The following DAAM2 variants were observed in gnomAD, a reference collection of about 807,000 sequenced individuals.
DAAM2 encodes the protein dishevelled associated activator of morphogenesis 2.
Under a neutral mutation model 120.7 loss-of-function variants are expected in DAAM2, and 39 were observed. The ratio of observed to expected loss-of-function variants is 0.32; its 90% confidence interval spans 0.25 to 0.42. The LOEUF (loss-of-function observed/expected upper bound fraction) is 0.42. Among genes scored for constraint, DAAM2 ranks in the 10% least tolerant of loss-of-function variants. The probability of loss-of-function intolerance (pLI) is 1.00; values close to 1 mark genes in which losing one functional copy is unlikely to be tolerated. For synonymous variants in DAAM2, 488 were observed against 524.9 expected (o/e 0.93, Z 0.96); for missense variants, 1,283 against 1,401.7 (o/e 0.92, Z 1.35).
At chr6:39,797,979 T>C (rs953696680) in intron 1 of DAAM2, among the ~76,000 whole-genome samples, 7 of 152,210 alleles carry the variant, frequency 4.6e-5, no homozygotes, top group Admixed American at 3.9e-4. Context: ...CTCTGTTCAT[T>C]TGTGCTTTGC....
intron 1 of DAAM2, among the ~76,000 whole-genome samples, chr6:39,846,316 G>A (rs922157009): frequency 2.6e-5 from 4 of 152,140 alleles, no homozygotes; most frequent in Admixed American, 2.6e-4. Context: ...GGGAGTTCAT[G>A]GGATAGGATT....
At position 39,878,976 on chromosome 6, in the gene DAAM2, TGTG is replaced by T. The variant is rs1218002744; in HGVS notation, c.1546-192_1546-190del. Among the ~76,000 whole-genome samples, 3 of 152,038 alleles carry T rather than the reference TGTG, an allele frequency of 2.0e-5. No homozygotes were observed. Among genetic ancestry groups the T allele is most frequent in the Non-Finnish European group, 4.4e-5 (3 of 68,012 alleles). On this transcript the variant is annotated intron_variant, in intron 13 of 24. Transcript: ENST00000274867. This position sits in a 1 kb window ranked among gnomAD's most constrained non-coding sequence, Gnocchi z 5.0. The stretch of plus-strand genomic sequence containing the variant: ...TCCGTGTGCGTGACGTGTGTGTGTC[TGTG>T]GTGGTGGTGTGTGTGTGTTTGCGTG...
chr6:39,793,020 G>T (rs1761592841), intron 1 of DAAM2: 1 of 152,436 alleles, frequency 6.6e-6, no homozygotes, highest in Non-Finnish European at 1.5e-5. Flanking sequence ...AGCATCTCAG[G>T]AAAGGGGTCC....
chr6:39,843,082 C>T (rs1356451337), intron 1 of DAAM2, among the ~76,000 whole-genome samples: 4 of 152,032 alleles, frequency 2.6e-5, no homozygotes, highest in Non-Finnish European at 4.4e-5. Context: ...TTTTATCATA[C>T]CAATTTTTAA....
chr6:39,868,665 G>A, intron 6 of DAAM2, 158 bp from the exon 7 acceptor site: 1 of 610,094 alleles, frequency 1.6e-6, no homozygotes, highest in South Asian at 2.1e-5. Flanking sequence ...GCAGAGGTGA[G>A]GTTTGGGGCA....
intron 2 of DAAM2, among the ~76,000 whole-genome samples, chr6:39,857,891 T>A (rs1233722340): frequency 6.6e-6 from 1 of 151,872 alleles, no homozygotes; most frequent in Non-Finnish European, 1.5e-5. Flanking sequence ...TGTGAAAGCC[T>A]AGTAGGGAAG....
chr6:39,802,755 TA>T (rs149054246), intron 1 of DAAM2, among the ~76,000 whole-genome samples: 403 of 152,330 alleles, frequency 2.6e-3, no homozygotes, highest in African/African-American at 9.3e-3. Context: ...CTTAACTTTT[TA>T]TTGAAGCCCA....
intron 15 of DAAM2, 174 bp from the exon 16 acceptor site, chr6:39,887,312 A>G (rs1320960909): frequency 3.6e-6 from 2 of 551,776 alleles, no homozygotes; most frequent in Non-Finnish European, 6.5e-6. Flanking sequence ...AGTCCCAGAT[A>G]CCGTCTCTTA....
chr6:39,832,995 C>T (rs1007243275), intron 1 of DAAM2, among the ~76,000 whole-genome samples: 3 of 151,900 alleles, frequency 2.0e-5, no homozygotes, highest in Admixed American at 6.5e-5. Flanking sequence ...TGGGTGGGCC[C>T]GAGGGCAGCC....
rs1766496604 is a variant in DAAM2, at chr6:39,901,720, C to T, written c.2983-93C>T. 4 of 1,233,652 alleles carry T rather than the reference C, an allele frequency of 3.2e-6. No homozygotes were observed. The highest frequency in any genetic ancestry group is 3.0e-5 in the African/African-American group (2 of 66,130). 76.4% of individuals were successfully genotyped at this position (1,233,652 alleles called of 1,614,324 possible). On this transcript the variant is annotated intron_variant, in intron 24 of 24. Transcript: ENST00000274867. This position sits in a 1 kb window ranked among gnomAD's most constrained non-coding sequence, Gnocchi z 4.5. The stretch of plus-strand genomic sequence containing the variant: ...CAACAGATACAGGCAGGCAGCATGA[C>T]CATGGCCTAGGAGTTAGCCCAGGGT...
Position 39,867,603 on chromosome 6 carries a change from C to T in DAAM2, c.522C>T (p.His174=), listed in dbSNP as rs375543916. ...ACGCCACCTGTGAGAGCCGCATCCACACCTCACTCATTGGCTGCATCAAAG... is the reference window on the plus strand; with the variant it reads ...ACGCCACCTGTGAGAGCCGCATCCATACCTCACTCATTGGCTGCATCAAAG... The part of the protein sequence containing the change: ...MDHATCESRI[H]TSLIGCIKAL... Residue 174 remains histidine, a synonymous_variant, in exon 6 of 25, where the codon CAC becomes CAT. Coordinates refer to ENST00000274867, the MANE Select transcript of DAAM2 (RefSeq NM_001201427.2). 15 of 1,614,036 alleles carry T rather than the reference C, an allele frequency of 9.3e-6. No homozygotes were observed. The highest frequency in any genetic ancestry group is 1.3e-5 in the Non-Finnish European group (15 of 1,179,894).
chr6:39,857,150 A>G (rs1166146035), intron 2 of DAAM2, among the ~76,000 whole-genome samples: 1 of 152,196 alleles, frequency 6.6e-6, no homozygotes, highest in Non-Finnish European at 1.5e-5. Flanking sequence ...ACAAATAGAC[A>G]GGCTAGGAAA....
At chr6:39,829,707 T>C (rs1582634163) in intron 1 of DAAM2, among the ~76,000 whole-genome samples, 1 of 152,184 alleles carries the variant, frequency 6.6e-6, no homozygotes, top group East Asian at 1.9e-4. Context: ...GTGCCTGCCA[T>C]ATATGCCTGT....
chr6:39,831,534 A>G (rs1762888502), intron 1 of DAAM2, among the ~76,000 whole-genome samples: 1 of 151,840 alleles, frequency 6.6e-6, no homozygotes, highest in African/African-American at 2.4e-5. Context: ...AAGATGACAC[A>G]GCAGATAAGA....
chr6:39,872,172 T>C (rs894784810), intron 9 of DAAM2, among the ~76,000 whole-genome samples: 4 of 152,164 alleles, frequency 2.6e-5, no homozygotes, highest in Non-Finnish European at 5.9e-5. Flanking sequence ...GTGGAGCTGG[T>C]GTGGGATCTT....
intron 1 of DAAM2, among the ~76,000 whole-genome samples, chr6:39,807,691 A>G (rs2114040246): frequency 6.6e-6 from 1 of 151,982 alleles, no homozygotes; most frequent in South Asian, 2.1e-4. Context: ...TGATTTTTGT[A>G]TTTTTGCTAG....
At chr6:39,811,027 G>A (rs1052235459) in intron 1 of DAAM2, among the ~76,000 whole-genome samples, 2 of 152,180 alleles carry the variant, frequency 1.3e-5, no homozygotes, top group African/African-American at 4.8e-5. Context: ...GATGATGGCT[G>A]TGGGAATGCT....
At chr6:39,854,821 A>C (rs1763938699) in intron 1 of DAAM2, among the ~76,000 whole-genome samples, 1 of 152,206 alleles carries the variant, frequency 6.6e-6, no homozygotes, top group Non-Finnish European at 1.5e-5. Flanking sequence ...GGGCTAGATG[A>C]GAGCATAGTT....
At chr6:39,879,544 C>G (rs568316688) in intron 14 of DAAM2, 67 bp downstream of exon 14, 17 of 1,600,384 alleles carry the variant, frequency 1.1e-5, no homozygotes, top group Non-Finnish European at 1.4e-5. Context: ...TCAGGGACCA[C>G]CCGCCCCTTG....
Sources: gnomAD v4.1 joint callset for allele counts (sites outside exome capture counted in the v4.1 genomes callset) on GRCh38, gnomAD v4.1.1 for gene constraint, Gnocchi (gnomAD v3.1) non-coding constraint, MANE v1.5 for transcripts, NCBI Gene and HGNC (gene_info 2026-07-23, HGNC 2026-07-21) for gene names.